DNAH3: variants seen among roughly 807,000 people sequenced by gnomAD.
DNAH3 encodes dynein axonemal heavy chain 3.
In DNAH3, 332 loss-of-function variants were observed where a neutral mutation model predicts 432.5. The observed-to-expected ratio is 0.77, with a 90% CI of 0.70 to 0.84. DNAH3 has a LOEUF of 0.84. Among genes scored for constraint, DNAH3 ranks in the 40% least tolerant of loss-of-function variants. DNAH3 has a pLI of 0.00. For missense variants in DNAH3, 4,861 were observed against 5,114.0 expected (o/e 0.95, Z 1.51); for synonymous variants, 1,956 against 1,900.2 (o/e 1.03, Z -0.76).
intron 57 of DNAH3, among the ~76,000 whole-genome samples, chr16:20,944,960 G>C (rs1453475117): frequency 6.6e-6 from 1 of 152,144 alleles, no homozygotes; most frequent in African/African-American, 2.4e-5. Flanking sequence ...TTGGATCCTA[G>C]CTCCATCCCA....
chr16:21,000,277 C>T (rs773079950), exon 43 of DNAH3: 25 of 1,613,980 alleles, frequency 1.5e-5, no homozygotes, highest in African/African-American at 8.0e-5. Context: ...GCCCTTCCGT[C>T]GTCGATCCAG....
intron 56 of DNAH3, 67 bp downstream of exon 56, chr16:20,952,366 G>A (rs2084354985): frequency 7.3e-6 from 7 of 962,130 alleles, no homozygotes; most frequent in Non-Finnish European, 1.2e-5. Context: ...GGAAATGGGA[G>A]GAGAACAGCA....
chr16:20,977,753 C>T (rs151174737), intron 50 of DNAH3, among the ~76,000 whole-genome samples: 3 of 152,330 alleles, frequency 2.0e-5, no homozygotes, highest in Non-Finnish European at 4.4e-5. Context: ...ACTTTCTTCA[C>T]ACACAGCACT....
chr16:20,987,899 G>A, intron 45 of DNAH3, 43 bp downstream of exon 45: 1 of 1,613,950 alleles, frequency 6.2e-7, no homozygotes, highest in Non-Finnish European at 8.5e-7. Flanking sequence ...CAGAAACTGA[G>A]AACCCCCAGC....
At chr16:21,076,122 A>G (rs1283330212) in intron 20 of DNAH3, among the ~76,000 whole-genome samples, 2 of 152,126 alleles carry the variant, frequency 1.3e-5, no homozygotes, top group Non-Finnish European at 2.9e-5. Flanking sequence ...AAAAATTCAT[A>G]TATTGAAATT....
At chr16:21,005,304 C>T (rs1478993950) in intron 41 of DNAH3, among the ~76,000 whole-genome samples, 2 of 144,856 alleles carry the variant, frequency 1.4e-5, no homozygotes, top group African/African-American at 5.1e-5. Flanking sequence ...CCCTCCTTCC[C>T]TCCTTCCCTC....
chr16:21,118,412 T>C (rs1430987659), intron 11 of DNAH3, among the ~76,000 whole-genome samples: 5 of 152,006 alleles, frequency 3.3e-5, no homozygotes, highest in African/African-American at 7.3e-5. Context: ...TCTGAGAGAA[T>C]TCATACTCTC....
rs369644795 is a variant in DNAH3, at chr16:21,053,825, TTCCTCC to T, written c.4039+589_4039+594del. On this transcript the variant is annotated intron_variant, in intron 28 of 61. Coordinates refer to ENST00000261383, the Ensembl canonical transcript of DNAH3. Reference sequence around the variant, plus strand: ...TTGTTTTATATAAAGACCCCAGTTTTTCCTCCTCCTCCTCCTCCTCCTCTTCCTCCT... The same window carrying T: ...TTGTTTTATATAAAGACCCCAGTTTTTCCTCCTCCTCCTCCTCTTCCTCCT... 1.5e-3 allele frequency among the ~76,000 whole-genome samples: 221 copies of T among 151,322 alleles called. 1 individual carries two copies. The highest frequency in any genetic ancestry group is 4.4e-3 in the African/African-American group (181 of 41,244).
chr16:21,077,309 C>T (rs916806520), intron 20 of DNAH3, among the ~76,000 whole-genome samples: 2 of 152,072 alleles, frequency 1.3e-5, no homozygotes, highest in Non-Finnish European at 2.9e-5. Flanking sequence ...ATTACAGGTG[C>T]CCTCCACCAC....
chr16:21,127,986 A>G (rs988128747), intron 7 of DNAH3, among the ~76,000 whole-genome samples, 174 bp from the exon 9 acceptor site: 6 of 151,978 alleles, frequency 3.9e-5, no homozygotes, highest in African/African-American at 1.5e-4. Context: ...AGGAGGGAGG[A>G]GCTAAGTCCT....
At chr16:21,139,693 C>G (rs1040147126) in intron 5 of DNAH3, among the ~76,000 whole-genome samples, 4 of 151,542 alleles carry the variant, frequency 2.6e-5, no homozygotes, top group African/African-American at 9.7e-5. Flanking sequence ...GTCTTGAGAT[C>G]CTGGGCTCAA....
Position 20,987,926 on chromosome 16 carries a change from CAGAG to C in DNAH3, c.6725+12_6725+15del. 2.5e-6 allele frequency: 4 copies of C among 1,614,184 alleles called. No homozygotes were observed. Among genetic ancestry groups the C allele is most frequent in the Non-Finnish European group, 3.4e-6 (4 of 1,180,032 alleles). ...ACCCCCAGCCCACTATCCAGGAAGACAGAGAAACCTCTTACCTTAAAAACATCAC... is the reference window on the plus strand; with the variant it reads ...ACCCCCAGCCCACTATCCAGGAAGACAAACCTCTTACCTTAAAAACATCAC... On this transcript the variant is annotated intron_variant, in intron 45 of 61. Transcript: ENST00000261383.
At chr16:21,069,754 C>T (rs1201112297) in intron 22 of DNAH3, among the ~76,000 whole-genome samples, 160 bp from the exon 23 acceptor site, 2 of 152,178 alleles carry the variant, frequency 1.3e-5, no homozygotes, top group Non-Finnish European at 2.9e-5. Context: ...CTGGTCACTG[C>T]TCCAGGTGAT....
chr16:21,047,409 G>A (rs947674578), intron 31 of DNAH3, among the ~76,000 whole-genome samples: 3 of 151,208 alleles, frequency 2.0e-5, no homozygotes, highest in Middle Eastern at 3.4e-3. Flanking sequence ...TTCCCTTCTC[G>A]CTTCATTTCA....
intron 12 of DNAH3, among the ~76,000 whole-genome samples, chr16:21,116,259 C>G (rs1422960415): frequency 6.6e-6 from 1 of 151,780 alleles, no homozygotes; most frequent in South Asian, 2.1e-4. Flanking sequence ...GGCTGTGTCC[C>G]CACCCAAATT....
chr16:21,069,492 T>C (rs2152761488), exon 23 of DNAH3: 1 of 1,614,186 alleles, frequency 6.2e-7, no homozygotes, highest in Non-Finnish European at 8.5e-7. Flanking sequence ...TGGGCTATGA[T>C]GTCCTCTGAA....
In DNAH3 at chr16:21,152,609, G is replaced by A. The variant is rs559877800; in HGVS notation, c.118-6521C>T. Among the ~76,000 whole-genome samples the A allele has an allele frequency of 8.9e-3, 1,354 of 152,368 alleles. 14 individuals carry two copies. The highest frequency in any genetic ancestry group is 0.029 in the African/African-American group (1,224 of 41,594). On this transcript the variant is annotated intron_variant, in intron 1 of 61. Transcript: ENST00000261383. ...GGCAGGTGTGGAGGGAGAGGCGCGA[G>A]CGGGAACCCGGGCTGCGCACGGCGC...
At chr16:21,003,289 G>C (rs555882881) in intron 41 of DNAH3, 82 bp from the exon 42 acceptor site, 1 of 865,892 alleles carries the variant, frequency 1.2e-6, no homozygotes, top group African/African-American at 1.7e-5. Context: ...AAGTCCCTCA[G>C]TTATCAGCAT....
At chr16:21,009,043 G>A (rs1031726349) in intron 41 of DNAH3, among the ~76,000 whole-genome samples, 2 of 152,192 alleles carry the variant, frequency 1.3e-5, no homozygotes, top group South Asian at 2.1e-4. Flanking sequence ...CTTACAGAGC[G>A]ACGAGAATGT....
Sources: gnomAD v4.1 joint callset for allele counts (sites outside exome capture counted in the v4.1 genomes callset) on GRCh38, gnomAD v4.1.1 for gene constraint, MANE v1.5 for transcripts, NCBI Gene and HGNC (gene_info 2026-07-23, HGNC 2026-07-21) for gene names.